DSCAM: variants seen among roughly 807,000 people sequenced by gnomAD.
The protein encoded by DSCAM is cell adhesion molecule DSCAM.
Under a neutral mutation model 217.7 loss-of-function variants are expected in DSCAM, and 47 were observed. The observed-to-expected ratio is 0.22, with a 90% CI of 0.17 to 0.28. DSCAM has a LOEUF of 0.28. Among genes scored for constraint, DSCAM ranks in the 10% least tolerant of loss-of-function variants. The probability of loss-of-function intolerance (pLI) is 1.00; values close to 1 mark genes in which losing one functional copy is unlikely to be tolerated. For synonymous variants in DSCAM, 1,056 were observed against 1,015.3 expected (o/e 1.04, Z -0.76); for missense variants, 2,080 against 2,618.3 (o/e 0.79, Z 4.49).
chr21:40,367,974 A>C (rs1229238250), intron 4 of DSCAM, among the ~76,000 whole-genome samples: 1 of 152,206 alleles, frequency 6.6e-6, no homozygotes, highest in Non-Finnish European at 1.5e-5. Flanking sequence ...AAGGAAAGTA[A>C]ACTTGCCTTT....
chr21:40,396,319 A>T (rs553695029), intron 3 of DSCAM, among the ~76,000 whole-genome samples: 1 of 152,210 alleles, frequency 6.6e-6, no homozygotes, highest in Non-Finnish European at 1.5e-5. Flanking sequence ...ATTCTTCACC[A>T]TCACGCCAAC....
At chr21:40,592,588 A>G (rs1327904033) in intron 3 of DSCAM, among the ~76,000 whole-genome samples, 1 of 151,444 alleles carries the variant, frequency 6.6e-6, no homozygotes, top group Non-Finnish European at 1.5e-5. Flanking sequence ...AATACACCAA[A>G]CTCTTTCTTG....
At chr21:40,563,033 C>T (rs149324330) in intron 3 of DSCAM, among the ~76,000 whole-genome samples, 122 of 152,162 alleles carry the variant, frequency 8.0e-4, no homozygotes, top group African/African-American at 2.9e-3. Flanking sequence ...GACAATCGCC[C>T]GGATTTGCTG....
intron 3 of DSCAM, among the ~76,000 whole-genome samples, chr21:40,420,590 C>A (rs1173356325): frequency 2.0e-5 from 3 of 152,108 alleles, no homozygotes; most frequent in African/African-American, 7.2e-5. Flanking sequence ...ATGTTCATGT[C>A]CTACCACCAG....
chr21:40,178,651 A>C (rs528168389), intron 15 of DSCAM, among the ~76,000 whole-genome samples: 2 of 152,294 alleles, frequency 1.3e-5, no homozygotes, highest in South Asian at 4.1e-4. Flanking sequence ...AAACGGCATG[A>C]TTCTTTGAAT....
chr21:40,611,840 A>G (rs2089319804), intron 3 of DSCAM, among the ~76,000 whole-genome samples: 1 of 109,838 alleles, frequency 9.1e-6, no homozygotes. Context: ...CTGGATGCTA[A>G]GACAGGGAAG....
intron 3 of DSCAM, chr21:40,384,502 G>A (rs1041793067): frequency 2.0e-5 from 3 of 152,816 alleles, no homozygotes; most frequent in African/African-American, 7.2e-5. Context: ...AGCTACTCGG[G>A]AGGCTGAGGC....
intron 3 of DSCAM, among the ~76,000 whole-genome samples, chr21:40,455,943 G>A (rs2075760019): frequency 6.6e-6 from 1 of 152,136 alleles, no homozygotes; most frequent in South Asian, 2.1e-4. Flanking sequence ...GCTCGGGGAA[G>A]AGCAGCACAT....
chr21:40,430,556 A>G (rs1271556493), intron 3 of DSCAM, among the ~76,000 whole-genome samples: 1 of 152,206 alleles, frequency 6.6e-6, no homozygotes. Context: ...CTTGCTCCTC[A>G]GCTTGCAGAC....
At chr21:40,836,977 C>T (rs1216675849) in intron 1 of DSCAM, among the ~76,000 whole-genome samples, 1 of 152,216 alleles carries the variant, frequency 6.6e-6, no homozygotes, top group Non-Finnish European at 1.5e-5. Flanking sequence ...TTTCAGGAAA[C>T]TTCCATATCT....
At chr21:40,035,203 A>C (rs559919658) in intron 32 of DSCAM, among the ~76,000 whole-genome samples, 12,781 of 110,190 alleles carry the variant, frequency 0.12, 1,690 homozygotes, top group Non-Finnish European at 0.15. Context: ...TGCTCCAATT[A>C]AAAGACACAG....
intron 3 of DSCAM, among the ~76,000 whole-genome samples, chr21:40,446,493 C>T (rs186858217): frequency 2.0e-5 from 3 of 152,268 alleles, no homozygotes; most frequent in African/African-American, 4.8e-5. Flanking sequence ...GTTTATCTTC[C>T]GTTAAGCACC....
chr21:40,047,697 C>T (rs2837389), intron 30 of DSCAM, among the ~76,000 whole-genome samples: 47,153 of 152,002 alleles, frequency 0.31, 7,626 homozygotes, highest in African/African-American at 0.37. Flanking sequence ...CTTTACATAA[C>T]GAATTTACTA....
chr21:40,654,595 C>T (rs889670628), intron 3 of DSCAM, among the ~76,000 whole-genome samples: 5 of 152,134 alleles, frequency 3.3e-5, no homozygotes, highest in Admixed American at 2.6e-4. Flanking sequence ...TCTGAAGGCT[C>T]GAGGAGAAAG....
intron 10 of DSCAM, 143 bp downstream of exon 10, chr21:40,295,912 T>C: frequency 9.7e-7 from 1 of 1,032,196 alleles, no homozygotes; most frequent in Non-Finnish European, 1.4e-6. Flanking sequence ...TAGGAATGTC[T>C]ATGAGAGAAT....
intron 3 of DSCAM, among the ~76,000 whole-genome samples, chr21:40,392,184 C>T (rs1260221054): frequency 6.6e-6 from 1 of 152,078 alleles, no homozygotes; most frequent in East Asian, 1.9e-4. Context: ...TATTTTAATC[C>T]TCAGTACTTC....
chr21:40,587,190 AC>A (rs1388315022), intron 3 of DSCAM, among the ~76,000 whole-genome samples: 2 of 152,216 alleles, frequency 1.3e-5, no homozygotes, highest in Non-Finnish European at 2.9e-5. Flanking sequence ...TGTATCAGAG[AC>A]TTTTAACTGA....
At chr21:40,537,095 C>T (rs551739890) in intron 3 of DSCAM, among the ~76,000 whole-genome samples, 2 of 152,256 alleles carry the variant, frequency 1.3e-5, no homozygotes, top group African/African-American at 4.8e-5. Flanking sequence ...TTTTTCTCTC[C>T]CTGGCTTTCC....
At position 40,370,251 on chromosome 21, in the gene DSCAM, A is replaced by G. The variant is rs1213891725; in HGVS notation, c.509-1006T>C. ...AAGATAATAAAATTTCTGGTCTTTT[A>G]CTTTAAAAAAAAAAAAAAAGTAGAG... On this transcript the variant is annotated intron_variant, in intron 3 of 32. Coordinates refer to ENST00000400454, the MANE Select transcript of DSCAM (RefSeq NM_001389.5). Among the ~76,000 whole-genome samples the G allele has an allele frequency of 6.1e-5, 9 of 148,384 alleles. 2 individuals are homozygous for G. The South Asian group carries it at 1.9e-3, about 31-fold the overall frequency.
Sources: allele counts gnomAD v4.1 joint callset (sites outside exome capture counted in the v4.1 genomes callset), GRCh38; gene constraint gnomAD v4.1.1; transcripts MANE v1.5; gene names NCBI Gene and HGNC (gene_info 2026-07-23, HGNC 2026-07-21).